The following STAP1 variants were observed in gnomAD, a reference collection of about 807,000 sequenced individuals.
STAP1 encodes signal-transducing adaptor protein 1.
Under a neutral mutation model 37.8 loss-of-function variants are expected in STAP1, and 30 were observed. That is an observed-to-expected ratio of 0.79 (90% confidence interval 0.59 to 1.08). STAP1 has a LOEUF of 1.08. Ranked by LOEUF, STAP1 falls within the 50% of genes least tolerant of loss-of-function variation. The pLI is 0.00. For synonymous variants in STAP1, 130 were observed against 116.0 expected, an observed-to-expected ratio of 1.12 and a Z score of -0.78; for missense variants, 357 against 349.4, an observed-to-expected ratio of 1.02 and a Z score of -0.17.
rs372387259 is a variant in STAP1, at chr4:67,583,211, C to T, written c.531-363C>T. Among the ~76,000 whole-genome samples, 8 of 152,204 alleles carry T rather than the reference C, an allele frequency of 5.3e-5. No individual in the cohort carries two copies. The East Asian group carries it at 7.7e-4, about 15-fold the overall frequency. On this transcript the variant is annotated intron_variant, in intron 5 of 8. Transcript: ENST00000265404. Reference sequence around the variant, plus strand: ...AACATTTACAGATGTTTTGTATCCCCGAAAGGAGACCCCCAATAAATATTT... The same window carrying T: ...AACATTTACAGATGTTTTGTATCCCTGAAAGGAGACCCCCAATAAATATTT...
chr4:67,569,398 G>A (rs929135344), intron 1 of STAP1, among the ~76,000 whole-genome samples: 31 of 152,008 alleles, frequency 2.0e-4, no homozygotes, highest in African/African-American at 6.8e-4. Context: ...GTACACTCAG[G>A]CTACACTAAG....
intron 1 of STAP1, among the ~76,000 whole-genome samples, chr4:67,569,786 G>A (rs193130233): frequency 6.6e-6 from 1 of 152,254 alleles, no homozygotes; most frequent in East Asian, 1.9e-4. Flanking sequence ...CTGGAGTGCA[G>A]TTGCATGATC....
intron 8 of STAP1, among the ~76,000 whole-genome samples, chr4:67,598,211 G>A (rs971678517): frequency 1.3e-5 from 2 of 152,088 alleles, no homozygotes; most frequent in Non-Finnish European, 2.9e-5. Context: ...TTTTTCTCTT[G>A]GCTATTGTGA....
chr4:67,560,673 T>TGTGTGA (rs961122177), intron 1 of STAP1, among the ~76,000 whole-genome samples: 85 of 152,094 alleles, frequency 5.6e-4, no homozygotes, highest in Non-Finnish European at 1.1e-3. Context: ...TGTGTGTGTG[T>TGTGTGA]GACAGTGTCT....
chr4:67,590,083 G>A (rs1728088050), intron 6 of STAP1, among the ~76,000 whole-genome samples: 1 of 152,040 alleles, frequency 6.6e-6, no homozygotes, highest in African/African-American at 2.4e-5. Flanking sequence ...GGGATTACAG[G>A]CCTGAGCCAT....
chr4:67,568,282 A>G (rs780533075), intron 1 of STAP1, among the ~76,000 whole-genome samples: 24 of 152,096 alleles, frequency 1.6e-4, no homozygotes, highest in Non-Finnish European at 3.4e-4. Flanking sequence ...AAAAGAGAAA[A>G]CCCTTTATAT....
chr4:67,603,615 G>A (rs536752317), intron 8 of STAP1, among the ~76,000 whole-genome samples: 7 of 152,186 alleles, frequency 4.6e-5, no homozygotes, highest in Admixed American at 3.9e-4. Context: ...CCAGGACTGA[G>A]TCCTTCCCTT....
chr4:67,603,128 A>T (rs1728379800), intron 8 of STAP1, among the ~76,000 whole-genome samples: 1 of 152,080 alleles, frequency 6.6e-6, no homozygotes. Context: ...TTCATTCCTC[A>T]GGCAGGAGTT....
intron 2 of STAP1, among the ~76,000 whole-genome samples, chr4:67,573,751 GAA>G (rs1727656121): frequency 6.6e-6 from 1 of 151,700 alleles, no homozygotes; most frequent in Non-Finnish European, 1.5e-5. Context: ...AATAGCTTTG[GAA>G]AAAAATTATA....
At chr4:67,596,628 A>G (rs1728231698) in intron 8 of STAP1, among the ~76,000 whole-genome samples, 1 of 152,214 alleles carries the variant, frequency 6.6e-6, no homozygotes, top group Non-Finnish European at 1.5e-5. Flanking sequence ...AATAGAGATG[A>G]GGAACTTGTT....
At chr4:67,571,250 A>C in intron 2 of STAP1, 95 bp downstream of exon 2, 1 of 807,516 alleles carries the variant, frequency 1.2e-6, no homozygotes, top group Non-Finnish European at 2.0e-6. Context: ...TCCAAGAATA[A>C]AGATGCTCTG....
At chr4:67,592,709 G>C (rs542803267) in intron 7 of STAP1, among the ~76,000 whole-genome samples, 6 of 152,194 alleles carry the variant, frequency 3.9e-5, no homozygotes, top group African/African-American at 1.4e-4. Flanking sequence ...TTAAGGGACA[G>C]GGTCTTACCC....
At chr4:67,583,850 A>G (rs2109866747) in intron 6 of STAP1, 148 bp downstream of exon 6, 16 of 855,930 alleles carry the variant, frequency 1.9e-5, no homozygotes, top group Non-Finnish European at 2.6e-5. Context: ...TGTAATCTCA[A>G]CACTTCGGGA....
At chr4:67,591,019 G>T in intron 7 of STAP1, 66 bp downstream of exon 7, 1 of 1,244,046 alleles carries the variant, frequency 8.0e-7, no homozygotes. Context: ...CCTAGTGCTG[G>T]CAAAAAGCAG....
At chr4:67,598,262 G>A (rs1456578247) in intron 8 of STAP1, among the ~76,000 whole-genome samples, 2 of 152,190 alleles carry the variant, frequency 1.3e-5, no homozygotes, top group South Asian at 2.1e-4. Context: ...TATCTCTTTA[G>A]TACACTGATT....
chr4:67,602,068 T>C (rs1272244202), intron 8 of STAP1, among the ~76,000 whole-genome samples: 4 of 152,000 alleles, frequency 2.6e-5, no homozygotes, highest in Non-Finnish European at 5.9e-5. Context: ...CTGTGCATCT[T>C]CAAATAGCCT....
chr4:67,602,191 TA>T (rs1393198753), intron 8 of STAP1, among the ~76,000 whole-genome samples: 2 of 152,032 alleles, frequency 1.3e-5, no homozygotes, highest in East Asian at 1.9e-4. Flanking sequence ...TGCTTGACTT[TA>T]AAAAATTATT....
chr4:67,581,472 G>GT lies in STAP1; in HGVS notation c.530+2dup. 6.2e-7 allele frequency: 1 copy of GT among 1,601,988 alleles called. No homozygotes were observed. The highest frequency in any genetic ancestry group is 8.5e-7 in the Non-Finnish European group (1 of 1,175,358). ...TGGATGTACTGAACCCTATGCCAGC[G>GT]TAAGTGCACAATGAACTGCAGTTTA... On this transcript the variant is annotated splice_donor_variant, in intron 5 of 8. Transcript: ENST00000265404. LOFTEE classifies it high-confidence loss of function.
intron 1 of STAP1, among the ~76,000 whole-genome samples, chr4:67,569,931 A>G (rs1356704623): frequency 6.6e-6 from 1 of 152,062 alleles, no homozygotes; most frequent in Non-Finnish European, 1.5e-5. Context: ...GGGTTTTGCC[A>G]TGTTGTTCAG....
Sources: allele counts gnomAD v4.1 joint callset (sites outside exome capture counted in the v4.1 genomes callset), GRCh38; gene constraint gnomAD v4.1.1; transcripts MANE v1.5; gene names NCBI Gene and HGNC (gene_info 2026-07-23, HGNC 2026-07-21).